The following PRKAR1B variants were observed in gnomAD, a reference collection of about 807,000 sequenced individuals.
PRKAR1B encodes protein kinase cAMP-dependent type I regulatory subunit beta.
PRKAR1B carries 22 observed loss-of-function variants against 46.5 expected under a neutral mutation model. The observed-to-expected ratio is 0.47, with a 90% CI of 0.34 to 0.68. The LOEUF (loss-of-function observed/expected upper bound fraction) is 0.68. Among genes scored for constraint, PRKAR1B ranks in the 30% least tolerant of loss-of-function variants. The pLI is 0.01. For synonymous variants in PRKAR1B, 259 were observed against 217.7 expected, an observed-to-expected ratio of 1.19 and a Z score of -1.67; for missense variants, 445 against 535.6, an observed-to-expected ratio of 0.83 and a Z score of 1.67.
chr7:689,391 G>T lies in PRKAR1B; in HGVS notation c.178-8665C>A, dbSNP rs143216959. Among the ~76,000 whole-genome samples, 391 of 152,234 alleles carry T rather than the reference G, an allele frequency of 2.6e-3. 1 individual carries two copies. The highest frequency in any genetic ancestry group is 4.5e-3 in the Non-Finnish European group (304 of 68,026). ...CCACCTCAGCCTCCCAAAGTGCTGG[G>T]ATTACAGGCGTGAGCCACTGCACCT... On this transcript the variant is annotated intron_variant, in intron 2 of 10. Coordinates refer to ENST00000537384, the MANE Select transcript of PRKAR1B (RefSeq NM_001164760.2).
intron 4 of PRKAR1B, among the ~76,000 whole-genome samples, chr7:627,878 T>C (rs928474018): frequency 6.6e-6 from 1 of 152,214 alleles, no homozygotes; most frequent in South Asian, 2.1e-4. Flanking sequence ...CAGGCAGGTC[T>C]GTGCTGGGCG....
intron 4 of PRKAR1B, among the ~76,000 whole-genome samples, chr7:640,655 C>T (rs1474348177): frequency 2.0e-5 from 3 of 151,970 alleles, no homozygotes; most frequent in Admixed American, 6.6e-5. Context: ...CCCAGCTACT[C>T]GAGAGGCTGA....
intron 7 of PRKAR1B, among the ~76,000 whole-genome samples, chr7:589,639 G>A (rs546422210): frequency 1.3e-5 from 2 of 152,268 alleles, no homozygotes; most frequent in South Asian, 4.2e-4. Flanking sequence ...AACTGAAACG[G>A]GACAATCTTG....
chr7:576,824 G>A (rs1779861961), intron 9 of PRKAR1B, among the ~76,000 whole-genome samples: 1 of 152,152 alleles, frequency 6.6e-6, no homozygotes, highest in Non-Finnish European at 1.5e-5. Flanking sequence ...TGCCCCTCAG[G>A]GAAGGGTAGT....
chr7:612,077 G>A (rs923181548), intron 4 of PRKAR1B, among the ~76,000 whole-genome samples: 13 of 151,330 alleles, frequency 8.6e-5, no homozygotes, highest in Non-Finnish European at 1.0e-4. Context: ...ATGGATGGAC[G>A]GACAGGTGGG....
intron 4 of PRKAR1B, among the ~76,000 whole-genome samples, chr7:675,447 G>A (rs147108485): frequency 1.3e-3 from 192 of 152,266 alleles, no homozygotes; most frequent in African/African-American, 4.4e-3. Context: ...TACATATGGA[G>A]GTCATTTAGA....
intron 1 of PRKAR1B, among the ~76,000 whole-genome samples, chr7:725,771 A>G (rs994258143): frequency 6.6e-6 from 1 of 152,192 alleles, no homozygotes; most frequent in Non-Finnish European, 1.5e-5. Context: ...TCCTTAGGAT[A>G]ACACCACTAT....
chr7:556,184 C>A (rs574462474), intron 9 of PRKAR1B, among the ~76,000 whole-genome samples: 1 of 152,190 alleles, frequency 6.6e-6, no homozygotes, highest in African/African-American at 2.4e-5. Flanking sequence ...CTGACCAGAA[C>A]ACAGCTCAGG....
At chr7:679,516 CT>C (rs1257668569) in intron 3 of PRKAR1B, among the ~76,000 whole-genome samples, 63 of 152,330 alleles carry the variant, frequency 4.1e-4, no homozygotes, top group Non-Finnish European at 1.5e-5. Flanking sequence ...TTTAACAATG[CT>C]TGCGCTAGCT....
intron 2 of PRKAR1B, among the ~76,000 whole-genome samples, chr7:702,349 G>A (rs1256008036): frequency 1.3e-5 from 2 of 151,994 alleles, no homozygotes; most frequent in African/African-American, 2.4e-5. Context: ...TTAAATGGTA[G>A]ACCTAAATCC....
intron 4 of PRKAR1B, among the ~76,000 whole-genome samples, chr7:635,351 C>A (rs939089502): frequency 6.6e-6 from 1 of 152,232 alleles, no homozygotes; most frequent in African/African-American, 2.4e-5. Flanking sequence ...GTCATGTTCG[C>A]GCCCAGGCAG....
At chr7:663,656 T>C (rs1035654939) in intron 4 of PRKAR1B, among the ~76,000 whole-genome samples, 3 of 152,232 alleles carry the variant, frequency 2.0e-5, no homozygotes, top group Middle Eastern at 6.8e-3. Context: ...CCAGGGTGCA[T>C]GTGGTGGTCT....
In PRKAR1B at chr7:595,719, A is replaced by G. The variant is rs868073189; in HGVS notation, c.708+427T>C. Among the ~76,000 whole-genome samples, 5 of 152,152 alleles carry G rather than the reference A, an allele frequency of 3.3e-5. No homozygotes were observed. In the South Asian group the frequency reaches 6.2e-4, roughly 19 times the overall value. ...CTCAGAGTAGATCTGGCCACATATA[A>G]GAAAAAAAGCTAAAAGCCCAAGAGT... On this transcript the variant is annotated intron_variant, in intron 7 of 10. Coordinates refer to ENST00000537384, the MANE Select transcript of PRKAR1B (RefSeq NM_001164760.2).
intron 9 of PRKAR1B, among the ~76,000 whole-genome samples, chr7:557,546 G>C (rs1778521704): frequency 6.6e-6 from 1 of 152,216 alleles, no homozygotes; most frequent in African/African-American, 2.4e-5. Flanking sequence ...GAAAGACAGG[G>C]AACAGCAGAG....
chr7:662,171 A>G (rs1410159191), intron 4 of PRKAR1B, among the ~76,000 whole-genome samples: 3 of 78,740 alleles, frequency 3.8e-5, no homozygotes, highest in Non-Finnish European at 7.2e-5. Context: ...ACACCCCAAC[A>G]GATCCAAATA....
intron 4 of PRKAR1B, among the ~76,000 whole-genome samples, chr7:638,506 G>T (rs969930667): frequency 2.0e-5 from 3 of 152,166 alleles, no homozygotes; most frequent in Non-Finnish European, 2.9e-5. Context: ...ACGGGGCACA[G>T]GGCTCTCTCC....
At chr7:726,805 C>G in intron 1 of PRKAR1B, 1 of 1,313,968 alleles carries the variant, frequency 7.6e-7, no homozygotes, top group Non-Finnish European at 9.7e-7. Flanking sequence ...GGAGCTGAGC[C>G]GCGCCCTGAG....
rs183666687 is a variant in PRKAR1B at position 637,280 on chromosome 7, A to C, written c.441-29828T>G. Reference sequence around the variant, plus strand: ...CTAAAAATACAAAAATTAGCTGGGCATGGTGGCGCACCTGTAATCCCAGCT... The same window carrying C: ...CTAAAAATACAAAAATTAGCTGGGCCTGGTGGCGCACCTGTAATCCCAGCT... On this transcript the variant is annotated intron_variant, in intron 4 of 10. Coordinates refer to ENST00000537384, the MANE Select transcript of PRKAR1B (RefSeq NM_001164760.2). Among the ~76,000 whole-genome samples the C allele has an allele frequency of 4.2e-3, 644 of 151,990 alleles. 5 individuals are homozygous for C. The highest frequency in any genetic ancestry group is 7.6e-3 in the Non-Finnish European group (515 of 67,960).
At chr7:635,680 C>T (rs1317475366) in intron 4 of PRKAR1B, among the ~76,000 whole-genome samples, 4 of 152,162 alleles carry the variant, frequency 2.6e-5, no homozygotes, top group African/African-American at 7.2e-5. Context: ...TCCATGATGG[C>T]TGCAGGACGG....
Sources: allele counts gnomAD v4.1 joint callset (sites outside exome capture counted in the v4.1 genomes callset), GRCh38; gene constraint gnomAD v4.1.1; transcripts MANE v1.5; gene names NCBI Gene and HGNC (gene_info 2026-07-23, HGNC 2026-07-21).